PTPRG: variants seen among roughly 807,000 people sequenced by gnomAD.
PTPRG encodes protein tyrosine phosphatase receptor type G.
Under a neutral mutation model 165.3 loss-of-function variants are expected in PTPRG, and 102 were observed. That is an observed-to-expected ratio of 0.62 (90% CI 0.53 to 0.73). The LOEUF is 0.73. Ranked by LOEUF, PTPRG falls within the 30% of genes least tolerant of loss-of-function variation. The probability of loss-of-function intolerance (pLI) is 0.00; values close to 1 mark genes in which losing one functional copy is unlikely to be tolerated. For missense variants in PTPRG, 1,866 were observed against 1,861.4 expected, an observed-to-expected ratio of 1.00 and a Z score of -0.05; for synonymous variants, 675 against 669.5, an observed-to-expected ratio of 1.01 and a Z score of -0.13.
chr3:61,751,397 C>G (rs1387456267), intron 2 of PTPRG, among the ~76,000 whole-genome samples: 1 of 152,154 alleles, frequency 6.6e-6, no homozygotes, highest in African/African-American at 2.4e-5. Context: ...GGAAGTGTTT[C>G]TAAATTTAGC....
At chr3:61,878,197 A>G (rs768618948) in intron 2 of PTPRG, among the ~76,000 whole-genome samples, 3 of 152,224 alleles carry the variant, frequency 2.0e-5, no homozygotes, top group Non-Finnish European at 4.4e-5. Context: ...TTGCTATGTC[A>G]CATGGAAAGA....
intron 4 of PTPRG, among the ~76,000 whole-genome samples, chr3:62,069,337 A>G (rs1348958087): frequency 1.3e-5 from 2 of 152,132 alleles, no homozygotes; most frequent in African/African-American, 4.8e-5. Context: ...TCTATAGCAA[A>G]TACTCTTAGA....
intron 1 of PTPRG, among the ~76,000 whole-genome samples, chr3:61,563,620 A>AGCT (rs1699826492): frequency 6.6e-6 from 1 of 152,146 alleles, no homozygotes; most frequent in Non-Finnish European, 1.5e-5. Context: ...CTCATCCATC[A>AGCT]ACTCCTGCAT....
chr3:62,157,336 A>G (rs1480393146), intron 7 of PTPRG, 112 bp downstream of exon 7: 11 of 1,088,722 alleles, frequency 1.0e-5, no homozygotes, highest in Admixed American at 7.7e-5. Context: ...TCCTGTGCAT[A>G]TCATTGATTC....
intron 1 of PTPRG, among the ~76,000 whole-genome samples, chr3:61,620,176 A>G (rs1030815206): frequency 6.6e-6 from 1 of 152,120 alleles, no homozygotes; most frequent in Non-Finnish European, 1.5e-5. Context: ...TAAGGGAGGA[A>G]GATGTCATGG....
rs372218718 is a variant in PTPRG, at chr3:62,240,634, A to T, written c.2376-3173A>T. On this transcript the variant is annotated intron_variant, in intron 14 of 29. Transcript: ENST00000474889. This position sits in a 1 kb window ranked among gnomAD's most constrained non-coding sequence, Gnocchi z 5.1. ...GATCTGGCTCTGGCCCACCTCTCCA[A>T]CCTTGCTTTCCACAGCCTTTCCCTT... 1.8e-3 allele frequency among the ~76,000 whole-genome samples: 277 copies of T among 152,164 alleles called. No homozygotes were observed. The highest frequency in any genetic ancestry group is 6.4e-3 in the African/African-American group (265 of 41,520).
intron 2 of PTPRG, among the ~76,000 whole-genome samples, chr3:61,874,302 C>G (rs889795765): frequency 6.6e-6 from 1 of 152,188 alleles, no homozygotes; most frequent in Admixed American, 6.5e-5. Context: ...GGCTCATGCT[C>G]TCATGGTTGA....
At chr3:62,167,835 C>G (rs137867396) in intron 7 of PTPRG, 136 bp from the exon 8 acceptor site, 3 of 819,854 alleles carry the variant, frequency 3.7e-6, no homozygotes, top group Non-Finnish European at 5.8e-6. Flanking sequence ...GGTTTAGCAG[C>G]CCTGGCATTG....
intron 2 of PTPRG, among the ~76,000 whole-genome samples, chr3:61,817,025 ATATATAG>A (rs2035788754): frequency 8.2e-6 from 1 of 122,650 alleles, no homozygotes. Context: ...ATACTATATA[ATATATAG>A]TATATAATAT....
At chr3:61,750,261 GC>G (rs1420325770) in intron 2 of PTPRG, 2 of 152,160 alleles carry the variant, frequency 1.3e-5, no homozygotes, top group East Asian at 3.9e-4. Context: ...GTACTCTGTG[GC>G]TCTGACATCA....
At chr3:62,290,227 G>C (rs543356694) in intron 28 of PTPRG, among the ~76,000 whole-genome samples, 11 of 152,034 alleles carry the variant, frequency 7.2e-5, no homozygotes, top group Non-Finnish European at 1.6e-4. Context: ...TGAATAAATG[G>C]AGAAAAGACA....
rs1466429823 is a variant in PTPRG, at chr3:61,562,249, A to G, written c.-39A>G. On this transcript the variant is annotated 5_prime_UTR_variant, in exon 1 of 30. Transcript: ENST00000474889. The stretch of plus-strand genomic sequence containing the variant: ...AGGCAAGAACTTATTCAACAAGTTT[A>G]CCTCCCTGCTTTCCTCTTTTCGATG... 1 of 1,578,360 alleles carries G rather than the reference A, an allele frequency of 6.3e-7. No homozygotes were observed. The highest frequency in any genetic ancestry group is 8.7e-7 in the Non-Finnish European group (1 of 1,147,876).
intron 1 of PTPRG, among the ~76,000 whole-genome samples, chr3:61,668,201 C>T (rs1401646069): frequency 6.6e-6 from 1 of 152,126 alleles, no homozygotes; most frequent in Non-Finnish European, 1.5e-5. Flanking sequence ...ATCTTAATTC[C>T]ATATACTTTC....
chr3:61,586,707 G>T (rs1230909379), intron 1 of PTPRG, among the ~76,000 whole-genome samples: 2 of 152,208 alleles, frequency 1.3e-5, no homozygotes, highest in Non-Finnish European at 2.9e-5. Flanking sequence ...GGAGGGCATT[G>T]ACACATCCCT....
intron 5 of PTPRG, chr3:62,124,142 A>T (rs1703190911): frequency 1.6e-6 from 1 of 635,494 alleles, no homozygotes; most frequent in East Asian, 2.6e-5. Context: ...TCAGCGCTTA[A>T]AAGGTTCTGT....
chr3:61,607,865 G>A (rs1436268423), intron 1 of PTPRG, among the ~76,000 whole-genome samples: 2 of 152,170 alleles, frequency 1.3e-5, no homozygotes, highest in East Asian at 1.9e-4. Flanking sequence ...AGAACTGGAC[G>A]CGACTTGCCT....
chr3:62,124,266 A>G, intron 5 of PTPRG: 1 of 1,464,670 alleles, frequency 6.8e-7, no homozygotes, highest in Non-Finnish European at 9.6e-7. Context: ...GAAGCCTGCA[A>G]GGACAGGATG....
intron 8 of PTPRG, among the ~76,000 whole-genome samples, chr3:62,189,354 A>G (rs866974064): frequency 2.0e-5 from 3 of 152,112 alleles, no homozygotes; most frequent in African/African-American, 7.2e-5. Context: ...CTGGCAGGAA[A>G]GCCATCCTGT....
chr3:62,012,563 A>G (rs1028147806), intron 4 of PTPRG, among the ~76,000 whole-genome samples: 1 of 152,156 alleles, frequency 6.6e-6, no homozygotes, highest in African/African-American at 2.4e-5. Flanking sequence ...TATGTTTCAT[A>G]TGCCCCTTAA....
Sources: gnomAD v4.1 joint callset for allele counts (sites outside exome capture counted in the v4.1 genomes callset) on GRCh38, gnomAD v4.1.1 for gene constraint, Gnocchi (gnomAD v3.1) non-coding constraint, MANE v1.5 for transcripts, NCBI Gene and HGNC (gene_info 2026-07-23, HGNC 2026-07-21) for gene names.